The following ARHGAP21 variants were observed in gnomAD, a reference collection of about 807,000 sequenced individuals.
The protein encoded by ARHGAP21 is rho GTPase-activating protein 21.
ARHGAP21 carries 38 observed loss-of-function variants against 164.6 expected under a neutral mutation model. The ratio of observed to expected loss-of-function variants is 0.23; its 90% CI spans 0.18 to 0.30. The LOEUF (loss-of-function observed/expected upper bound fraction) is 0.30, where lower values mean the gene tolerates loss of function less well. Ranked by LOEUF, ARHGAP21 falls within the 10% of genes least tolerant of loss-of-function variation. ARHGAP21 has a pLI of 1.00. For missense variants in ARHGAP21, 1,822 were observed against 2,370.7 expected, an observed-to-expected ratio of 0.77 and a Z score of 4.81; for synonymous variants, 766 against 857.9, an observed-to-expected ratio of 0.89 and a Z score of 1.87.
intron 9 of ARHGAP21, among the ~76,000 whole-genome samples, chr10:24,612,723 C>T (rs1005201489): frequency 2.0e-5 from 3 of 152,034 alleles, no homozygotes; most frequent in Non-Finnish European, 2.9e-5. Context: ...GGTGTGGTGG[C>T]GGACGCCTAT....
At chr10:24,684,493 C>T (rs1184973555) in intron 2 of ARHGAP21, among the ~76,000 whole-genome samples, 1 of 152,088 alleles carries the variant, frequency 6.6e-6, no homozygotes. Flanking sequence ...GTACTTCAAG[C>T]ATTTTCTTTT....
chr10:24,597,323 T>C lies in ARHGAP21; in HGVS notation c.3334+124A>G, dbSNP rs1254269493. 3 of 1,274,976 alleles carry C rather than the reference T, an allele frequency of 2.4e-6. No homozygotes were observed. In the African/African-American group the frequency reaches 4.6e-5, roughly 19 times the overall value. 79.0% of individuals were successfully genotyped at this position (1,274,976 alleles called of 1,614,324 possible). On this transcript the variant is annotated intron_variant, in intron 16 of 25. Transcript: ENST00000396432. ...CCCAATGAGCCCAGACCAAGCCTAC[T>C]ATGAATTTTGAGCTAGTTGACATGG... is the stretch of plus-strand genomic sequence containing the variant.
intron 11 of ARHGAP21, among the ~76,000 whole-genome samples, chr10:24,606,848 TA>T (rs2077046960): frequency 6.6e-6 from 1 of 152,122 alleles, no homozygotes; most frequent in Non-Finnish European, 1.5e-5. Context: ...CAAAAATAAA[TA>T]AATTTTTAAA....
rs1222050244 is a variant in ARHGAP21 at position 24,595,971 on chromosome 10, T to C, written c.3550A>G (p.Arg1184Gly). The C allele has an allele frequency of 6.2e-7, 1 of 1,612,852 alleles. No homozygotes were observed. Among genetic ancestry groups the C allele is most frequent in the Non-Finnish European group, 8.5e-7 (1 of 1,179,242 alleles). ...ERGLEYTGIY[R>G]VPGNNAAISS... is the part of the protein sequence containing the mutation. ...ATGGCTGCATTATTTCCAGGAACTC[T>C]ATAAATACCTGTATATTCAAGACCT... is the stretch of plus-strand genomic sequence containing the variant. Residue 1184 changes from arginine (R) to glycine (G), a missense_variant, in exon 18 of 26, where the codon AGA becomes GGA. Physicochemically the swap from Arg to Gly is moderately radical, Grantham distance 125. This residue lies in a region of ARHGAP21 where 117 missense variants were observed against 238.1 expected (regional missense o/e 0.49). Transcript: ENST00000396432.
rs143603189 is a variant in ARHGAP21, at chr10:24,585,398, G to T, written c.4891C>A (p.Arg1631=). Residue 1631 remains arginine, a synonymous_variant, in exon 26 of 26, where the codon CGG becomes AGG. Coordinates refer to ENST00000396432, the MANE Select transcript of ARHGAP21 (RefSeq NM_020824.4). ...DERSELISEG[R]PVETDSESEF... ...CTCTCGCTGTCGGTTTCCACAGGCC[G>T]CCCTTCACTGATGAGTTCGCTTCTC... The T allele has an allele frequency of 6.2e-7, 1 of 1,613,930 alleles. No individual in the cohort carries two copies. Among genetic ancestry groups the T allele is most frequent in the Non-Finnish European group, 8.5e-7 (1 of 1,180,024 alleles).
intron 3 of ARHGAP21, 68 bp from the exon 4 acceptor site, chr10:24,667,077 G>A (rs1033362552): frequency 1.5e-5 from 13 of 877,196 alleles, no homozygotes; most frequent in Non-Finnish European, 1.9e-5. Context: ...TCACAGCAAG[G>A]CTCAATTTAA....
Position 24,704,289 on chromosome 10 carries a change from C to CTT in ARHGAP21, c.63+17546_63+17547dup, listed in dbSNP as rs201080039. The stretch of plus-strand genomic sequence containing the variant: ...TGCTAAGTTCTACATTTTTTCTTTT[C>CTT]TTTTTTTTTTTTTTTTTTTGAGACA... On this transcript the variant is annotated intron_variant, in intron 2 of 25. Coordinates refer to ENST00000396432, the MANE Select transcript of ARHGAP21 (RefSeq NM_020824.4). 1.9e-3 allele frequency among the ~76,000 whole-genome samples: 237 copies of CTT among 125,960 alleles called. 6 individuals carry two copies. Among genetic ancestry groups the CTT allele is most frequent in the African/African-American group, 6.3e-3 (201 of 31,816 alleles). 82.6% of individuals were successfully genotyped at this position (125,960 alleles called of 152,430 possible). A position where few individuals can be genotyped will look rare whatever the true frequency, so the allele number is the denominator to read the frequency against.
intron 2 of ARHGAP21, among the ~76,000 whole-genome samples, chr10:24,688,626 T>C (rs529012051): frequency 1.3e-5 from 2 of 152,130 alleles, no homozygotes; most frequent in Non-Finnish European, 2.9e-5. Context: ...TGTAAAAATA[T>C]AGGGTCTCTA....
At chr10:24,708,676 A>T (rs1844480460) in intron 2 of ARHGAP21, among the ~76,000 whole-genome samples, 1 of 152,182 alleles carries the variant, frequency 6.6e-6, no homozygotes, top group African/African-American at 2.4e-5. Flanking sequence ...AGAACATGCA[A>T]TATTCAACTT....
At chr10:24,623,426 C>T (rs748854102) in intron 7 of ARHGAP21, among the ~76,000 whole-genome samples, 3 of 152,072 alleles carry the variant, frequency 2.0e-5, no homozygotes, top group African/African-American at 2.4e-5. Flanking sequence ...TATTATAGAA[C>T]AGAGACTAGA....
Position 24,592,006 on chromosome 10 carries a change from G to T in ARHGAP21, c.3883C>A (p.Pro1295Thr). The change falls in exon 22 of 26, where the codon CCA (proline) becomes ACA (threonine). Residue 1295 changes from proline to threonine, a missense_variant. Coordinates refer to ENST00000396432, the MANE Select transcript of ARHGAP21 (RefSeq NM_020824.4). ...CCAAACACTATTGCTAGGTTTCTTG[G>T]TTCCATCTGAAAGAAAGGATGATAC... is the stretch of plus-strand genomic sequence containing the variant. Reference protein sequence around the residue: ...AENSEKNKMEPRNLAIVFGPT... With the variant: ...AENSEKNKMETRNLAIVFGPT... 1.9e-6 allele frequency: 3 copies of T among 1,595,344 alleles called. No individual in the cohort carries two copies. Among genetic ancestry groups the T allele is most frequent in the Non-Finnish European group, 1.7e-6 (2 of 1,172,582 alleles).
At chr10:24,611,417 TCA>T (rs2131046513) in intron 9 of ARHGAP21, among the ~76,000 whole-genome samples, 1 of 152,212 alleles carries the variant, frequency 6.6e-6, no homozygotes, top group East Asian at 1.9e-4. Flanking sequence ...GAAAAAAGAC[TCA>T]CAGGCCAGGC....
chr10:24,623,457 T>G (rs572783730), intron 7 of ARHGAP21, among the ~76,000 whole-genome samples: 1 of 152,348 alleles, frequency 6.6e-6, no homozygotes, highest in African/African-American at 2.4e-5. Flanking sequence ...AAATTAAAGC[T>G]AGCCATATAA....
In ARHGAP21 at chr10:24,717,418, T is replaced by A. The variant is rs12571120; in HGVS notation, c.63+4419A>T. 1.5e-3 allele frequency among the ~76,000 whole-genome samples: 231 copies of A among 152,248 alleles called. 5 individuals are homozygous for A. In the East Asian group the frequency reaches 0.038, roughly 25 times the overall value. ...AATCCAAGGGGGATATAGATAAACT[T>A]GTAACTGGTATTCCTGAAAGTGCAG... On this transcript the variant is annotated intron_variant, in intron 2 of 25. Coordinates refer to ENST00000396432, the MANE Select transcript of ARHGAP21 (RefSeq NM_020824.4).
intron 4 of ARHGAP21, chr10:24,640,098 T>C (rs1284451202): frequency 6.6e-6 from 1 of 151,826 alleles, no homozygotes; most frequent in African/African-American, 2.4e-5. Flanking sequence ...GAAAAATATA[T>C]AGTTTATACA....
At position 24,607,851 on chromosome 10, in the gene ARHGAP21, A is replaced by G. The variant is rs777938151; in HGVS notation, c.2475T>C (p.Ser825=). The G allele has an allele frequency of 2.5e-6, 4 of 1,614,168 alleles. No homozygotes were observed. The highest frequency in any genetic ancestry group is 3.4e-6 in the Non-Finnish European group (4 of 1,179,990). ...IDHDIAHIPA[S]AVISASTSQV... ...GAGAGGTAGAGGCTGATATAACAGC[A>G]GAGGCAGGGATATGTGCAATATCAT... The change falls in exon 10 of 26, where the codon TCT becomes TCC. Residue 825 remains serine, a synonymous_variant. Coordinates refer to ENST00000396432, the MANE Select transcript of ARHGAP21 (RefSeq NM_020824.4).
At chr10:24,596,591 G>A (rs973287555) in intron 17 of ARHGAP21, 149 bp downstream of exon 17, 10 of 1,031,046 alleles carry the variant, frequency 9.7e-6, no homozygotes, top group South Asian at 1.7e-5. Flanking sequence ...AGCATTACAG[G>A]TCAGAAATAC....
chr10:24,588,275 A>AG (rs1338131738), intron 25 of ARHGAP21, among the ~76,000 whole-genome samples: 2 of 152,012 alleles, frequency 1.3e-5, no homozygotes, highest in African/African-American at 4.8e-5. Context: ...TGAAGTATTT[A>AG]GGAGTAGTGT....
intron 2 of ARHGAP21, among the ~76,000 whole-genome samples, chr10:24,721,410 C>G (rs544380078): frequency 6.6e-6 from 1 of 152,194 alleles, no homozygotes; most frequent in Admixed American, 6.5e-5. Flanking sequence ...CCAGGTGCAA[C>G]AAGCATACTA....
Sources: allele counts gnomAD v4.1 joint callset (sites outside exome capture counted in the v4.1 genomes callset), GRCh38; gene constraint gnomAD v4.1.1; regional missense constraint gnomAD v4.1.1; transcripts MANE v1.5; gene names NCBI Gene and HGNC (gene_info 2026-07-23, HGNC 2026-07-21).